Variants in SLC38A2 observed in about 807,000 individuals in gnomAD.
SLC38A2 encodes the protein sodium-coupled neutral amino acid symporter 2.
A neutral mutation model predicts 61.5 loss-of-function variants in SLC38A2; 11 were observed. The ratio of observed to expected loss-of-function variants is 0.18; its 90% CI spans 0.11 to 0.30. The LOEUF (loss-of-function observed/expected upper bound fraction) is 0.30, where lower values mean the gene tolerates loss of function less well. Ranked by LOEUF, SLC38A2 falls within the 10% of genes least tolerant of loss-of-function variation. The pLI, the probability that SLC38A2 is intolerant of heterozygous loss-of-function variation, is 1.00. For synonymous variants in SLC38A2, 217 were observed against 212.5 expected (o/e 1.02, Z -0.18); for missense variants, 522 against 600.4 (o/e 0.87, Z 1.36).
chr12:46,370,028 T>C (rs1429216917), intron 4 of SLC38A2, among the ~76,000 whole-genome samples: 2 of 152,206 alleles, frequency 1.3e-5, no homozygotes, highest in African/African-American at 2.4e-5. Context: ...AAAACAAACA[T>C]GTTCCAGGCT....
At chr12:46,363,699 T>G in intron 12 of SLC38A2, 27 bp downstream of exon 12, 1 of 1,450,276 alleles carries the variant, frequency 6.9e-7, no homozygotes, top group Non-Finnish European at 9.3e-7. Context: ...TTTTTGTTTT[T>G]GTTTTGGTAA....
In SLC38A2 at chr12:46,360,181, T is replaced by C. The variant is rs772839311; in HGVS notation, c.*930A>G. The C allele has an allele frequency of 3.3e-5, 5 of 152,674 alleles. No homozygotes were observed. The highest frequency in any genetic ancestry group is 5.9e-5 in the Non-Finnish European group (4 of 68,032). 9.5% of individuals were successfully genotyped at this position (152,674 alleles called of 1,614,324 possible). On this transcript the variant is annotated 3_prime_UTR_variant, in exon 16 of 16. Coordinates refer to ENST00000256689, the MANE Select transcript of SLC38A2 (RefSeq NM_018976.5). ...CTGTCAATACAACACTGGAGACAGATGCAACTGAATAAACCCTGTTTTACC... is the reference window on the plus strand; with the variant it reads ...CTGTCAATACAACACTGGAGACAGACGCAACTGAATAAACCCTGTTTTACC...
At position 46,358,194 on chromosome 12, in the gene SLC38A2, T is replaced by A. The variant is rs552224039; in HGVS notation, c.*2917A>T. The A allele has an allele frequency of 6.5e-6, 1 of 152,790 alleles. No individual in the cohort carries two copies. The highest frequency in any genetic ancestry group is 6.5e-5 in the Admixed American group (1 of 15,304). 9.5% of individuals were successfully genotyped at this position (152,790 alleles called of 1,614,324 possible). On this transcript the variant is annotated 3_prime_UTR_variant, in exon 16 of 16. Coordinates refer to ENST00000256689, the MANE Select transcript of SLC38A2 (RefSeq NM_018976.5). ...AAACAAAAAACACTGCTACTCAGGA[T>A]TAAGCATGTATTTATTTTAGTTCAG...
intron 4 of SLC38A2, among the ~76,000 whole-genome samples, 184 bp downstream of exon 4, chr12:46,370,328 C>T (rs1384897706): frequency 6.6e-6 from 1 of 152,074 alleles, no homozygotes; most frequent in Non-Finnish European, 1.5e-5. Context: ...TTCTAGTTGG[C>T]TTTCTTGATA....
Position 46,363,999 on chromosome 12 carries a change from A to AC in SLC38A2, c.877dup (p.Val293GlyfsTer22). 6.2e-7 allele frequency: 1 copy of AC among 1,606,430 alleles called. No homozygotes were observed. Among genetic ancestry groups the AC allele is most frequent in the South Asian group, 1.1e-5 (1 of 89,312 alleles). On this transcript the variant is annotated frameshift_variant, in exon 11 of 16. Transcript: ENST00000256689. LOFTEE classifies it high-confidence loss of function. ...AAAGATCAGAATTGGCACAGCATAG[A>AC]CAGTCTGAAAGAAAACGTAAAAATC...
chr12:46,362,346 G>A lies in SLC38A2; in HGVS notation c.1360C>T (p.Pro454Ser). Residue 454 changes from proline (P) to serine (S), a missense_variant, in exon 15 of 16, where the codon CCT (proline) becomes TCT (serine). This residue lies in a region of SLC38A2 where 309 missense variants were observed against 343.9 expected (regional missense o/e 0.90). Coordinates refer to ENST00000256689, the MANE Select transcript of SLC38A2 (RefSeq NM_018976.5). ...SAASMLIFIL[P>S]SAFYIKLVKK... Reference sequence around the variant, plus strand: ...ACCAACTTGATATAGAAGGCAGAAGGAAGAATAAAAATCAACATAGAAGCT... The same window carrying A: ...ACCAACTTGATATAGAAGGCAGAAGAAAGAATAAAAATCAACATAGAAGCT... 6.2e-7 allele frequency: 1 copy of A among 1,612,126 alleles called. No individual in the cohort carries two copies. Among genetic ancestry groups the A allele is most frequent in the Non-Finnish European group, 8.5e-7 (1 of 1,179,070 alleles).
intron 7 of SLC38A2, among the ~76,000 whole-genome samples, chr12:46,366,327 C>T (rs980797863): frequency 6.6e-6 from 1 of 152,094 alleles, no homozygotes; most frequent in African/African-American, 2.4e-5. Context: ...CCTTCTTAAA[C>T]CCATAGCCTA....
rs568653986 is a variant in SLC38A2, at chr12:46,363,837, C to A, written c.954-11G>T. 6 of 1,585,124 alleles carry A rather than the reference C, an allele frequency of 3.8e-6. No individual in the cohort carries two copies. The highest frequency in any genetic ancestry group is 5.1e-6 in the Non-Finnish European group (6 of 1,169,764). ...CTTCTACGGCTGCGGCTATGTAATT[C>A]AAGAGAAAATTCAAATATATATTTC... On this transcript the variant is annotated splice_polypyrimidine_tract_variant and intron_variant, in intron 11 of 15. Coordinates refer to ENST00000256689, the MANE Select transcript of SLC38A2 (RefSeq NM_018976.5).
Position 46,365,089 on chromosome 12 carries a change from AG to A in SLC38A2, c.646+17del. The stretch of plus-strand genomic sequence containing the variant: ...TGAGAGGCTCATTTCAATTCTCTTT[AG>A]AGATGAGTTTGCTCACCTAAATTTC... On this transcript the variant is annotated intron_variant, in intron 8 of 15. Transcript: ENST00000256689. The A allele has an allele frequency of 6.2e-7, 1 of 1,600,528 alleles. No individual in the cohort carries two copies.
intron 15 of SLC38A2, chr12:46,362,076 G>A (rs1010848289): frequency 2.3e-5 from 11 of 479,534 alleles, no homozygotes; most frequent in African/African-American, 1.8e-4. Flanking sequence ...TAACTTTATT[G>A]CAATTAATTT....
chr12:46,361,333 T>C (rs556820773), intron 15 of SLC38A2, 124 bp from the exon 16 acceptor site: 1 of 751,016 alleles, frequency 1.3e-6, no homozygotes, highest in African/African-American at 1.8e-5. Context: ...ATAGAAAGAA[T>C]ATTTAACTTG....
rs1389262910 is a variant in SLC38A2 at position 46,372,594 on chromosome 12, C to T, written c.-172G>A. ...TCATAAAAAACAAACAAAAAATTTC[C>T]CCAAATCCAACAACAGGCAGGAAAA... On this transcript the variant is annotated 5_prime_UTR_variant, in exon 1 of 16. Transcript: ENST00000256689. 8 of 398,160 alleles carry T rather than the reference C, an allele frequency of 2.0e-5. No individual in the cohort carries two copies. The highest frequency in any genetic ancestry group is 4.1e-5 in the African/African-American group (2 of 48,624). 24.7% of individuals were successfully genotyped at this position (398,160 alleles called of 1,614,324 possible).
In SLC38A2 at chr12:46,364,575, G is replaced by A. The variant is rs756867380; in HGVS notation, c.706-19C>T. 6.3e-7 allele frequency: 1 copy of A among 1,599,976 alleles called. No homozygotes were observed. The highest frequency in any genetic ancestry group is 8.5e-7 in the Non-Finnish European group (1 of 1,175,700). The stretch of plus-strand genomic sequence containing the variant: ...AAATGACCTAAAAATATATTATTTT[G>A]CATGTGTTAAACTAAGTGACATGGC... On this transcript the variant is annotated intron_variant, in intron 9 of 15. Transcript: ENST00000256689.
chr12:46,371,065 G>A (rs1943191598), intron 2 of SLC38A2, 113 bp downstream of exon 2: 8 of 982,154 alleles, frequency 8.1e-6, no homozygotes, highest in East Asian at 4.8e-5. Context: ...CAGAGATTAC[G>A]CACCTTCTCT....
Position 46,366,852 on chromosome 12 carries a change from C to CTTAG in SLC38A2, c.563+8_563+11dup. 6.2e-7 allele frequency: 1 copy of CTTAG among 1,606,350 alleles called. No individual in the cohort carries two copies. The highest frequency in any genetic ancestry group is 8.5e-7 in the Non-Finnish European group (1 of 1,177,242). On this transcript the variant is annotated intron_variant, in intron 7 of 15. Coordinates refer to ENST00000256689, the MANE Select transcript of SLC38A2 (RefSeq NM_018976.5). ...TAATTGTTTCTTATGAGTAACCTTA[C>CTTAG]TTAGCACCTACCCAGTTTTATCTTC... is the stretch of plus-strand genomic sequence containing the variant.
chr12:46,370,483 T>C (rs749523935), intron 4 of SLC38A2, 29 bp downstream of exon 4: 3 of 1,518,728 alleles, frequency 2.0e-6, no homozygotes, highest in South Asian at 1.1e-5. Flanking sequence ...CTGCCCTGCA[T>C]GGCAGACTCA....
intron 1 of SLC38A2, chr12:46,371,609 C>T (rs985365260): frequency 3.0e-6 from 1 of 330,176 alleles, no homozygotes; most frequent in Non-Finnish European, 5.6e-6. Flanking sequence ...AGGCCCCCTA[C>T]TCCGGCAGAT....
intron 8 of SLC38A2, 118 bp downstream of exon 8, chr12:46,364,989 A>C: frequency 2.0e-6 from 2 of 995,798 alleles, no homozygotes; most frequent in Non-Finnish European, 3.1e-6. Flanking sequence ...TGTAAGTCCC[A>C]AAGATATACC....
In SLC38A2 at chr12:46,364,664, T is replaced by C. The variant is rs775628622; in HGVS notation, c.685A>G (p.Met229Val). 3 of 1,610,714 alleles carry C rather than the reference T, an allele frequency of 1.9e-6. No homozygotes were observed. Among genetic ancestry groups the C allele is most frequent in the Admixed American group, 1.7e-5 (1 of 59,622 alleles). Residue 229 changes from methionine to valine, a missense_variant, in exon 9 of 16, where the codon ATG (methionine) becomes GTG (valine). This residue lies in a region of SLC38A2 where 309 missense variants were observed against 343.9 expected (regional missense o/e 0.90). Coordinates refer to ENST00000256689, the MANE Select transcript of SLC38A2 (RefSeq NM_018976.5). ...CCCACCACAATCAGAAAGAACACCATACACAACAAGGAAAGGCCACTGGTA... is the reference window on the plus strand; with the variant it reads ...CCCACCACAATCAGAAAGAACACCACACACAACAAGGAAAGGCCACTGGTA... Reference protein sequence around the residue: ...GYTSGLSLLCMVFFLIVVICK... With the variant: ...GYTSGLSLLCVVFFLIVVICK...
Sources: allele counts gnomAD v4.1 joint callset (sites outside exome capture counted in the v4.1 genomes callset), GRCh38; gene constraint gnomAD v4.1.1; regional missense constraint gnomAD v4.1.1; transcripts MANE v1.5; gene names NCBI Gene and HGNC (gene_info 2026-07-23, HGNC 2026-07-21).